The following RNF180 variants were observed in gnomAD, a reference collection of about 807,000 sequenced individuals.
RNF180 encodes ring finger protein 180.
Under a neutral mutation model 59.2 loss-of-function variants are expected in RNF180, and 38 were observed. The ratio of observed to expected loss-of-function variants is 0.64; its 90% CI spans 0.50 to 0.84. The LOEUF is 0.84. RNF180 is among the 40% of genes least tolerant of loss of function. RNF180 has a pLI of 0.00. For synonymous variants in RNF180, 262 were observed against 240.3 expected (o/e 1.09, Z -0.84); for missense variants, 705 against 700.9 (o/e 1.01, Z -0.07).
intron 5 of RNF180, among the ~76,000 whole-genome samples, chr5:64,293,687 G>A (rs902656952): frequency 6.6e-6 from 1 of 151,898 alleles, no homozygotes; most frequent in Non-Finnish European, 1.5e-5. Flanking sequence ...TATTTGGAAA[G>A]TTGGGTAATA....
intron 7 of RNF180, among the ~76,000 whole-genome samples, chr5:64,349,127 A>G (rs1478709363): frequency 6.6e-6 from 1 of 152,120 alleles, no homozygotes; most frequent in Non-Finnish European, 1.5e-5. Context: ...AACACTGCTG[A>G]ACATTTAGCA....
chr5:64,306,193 A>C (rs1743444507), intron 5 of RNF180, among the ~76,000 whole-genome samples: 1 of 151,726 alleles, frequency 6.6e-6, no homozygotes. Context: ...TTGCATAAGA[A>C]TTGTTTTCTG....
intron 2 of RNF180, among the ~76,000 whole-genome samples, chr5:64,207,066 A>T (rs1234146122): frequency 6.6e-6 from 1 of 152,056 alleles, no homozygotes; most frequent in Admixed American, 6.6e-5. Context: ...TTATCATTTA[A>T]TCTTCTATTA....
intron 5 of RNF180, among the ~76,000 whole-genome samples, chr5:64,218,156 T>C (rs1198421341): frequency 6.6e-6 from 1 of 152,210 alleles, no homozygotes; most frequent in Non-Finnish European, 1.5e-5. Flanking sequence ...AACGTTTTAA[T>C]AGATTATGCT....
intron 5 of RNF180, among the ~76,000 whole-genome samples, chr5:64,264,162 A>G (rs1031068954): frequency 8.5e-5 from 13 of 152,092 alleles, no homozygotes; most frequent in East Asian, 3.9e-4. Context: ...CTTCTATCCA[A>G]TATACATGTT....
chr5:64,338,560 G>A (rs1252413044), intron 7 of RNF180, among the ~76,000 whole-genome samples: 4 of 151,706 alleles, frequency 2.6e-5, no homozygotes, highest in African/African-American at 7.3e-5. Context: ...GCGTGAATCC[G>A]GGAGGCAGAG....
At chr5:64,191,466 C>A (rs989088711) in intron 1 of RNF180, among the ~76,000 whole-genome samples, 2 of 152,116 alleles carry the variant, frequency 1.3e-5, no homozygotes, top group African/African-American at 4.8e-5. Context: ...TCTCCTCCCC[C>A]CAGATACTTA....
At chr5:64,352,398 C>T (rs943521726) in intron 7 of RNF180, among the ~76,000 whole-genome samples, 1 of 151,934 alleles carries the variant, frequency 6.6e-6, no homozygotes. Context: ...CTGTCTCTAT[C>T]TCCTTCAATT....
chr5:64,220,638 C>T (rs1050127352), intron 5 of RNF180, among the ~76,000 whole-genome samples: 2 of 151,914 alleles, frequency 1.3e-5, no homozygotes, highest in Non-Finnish European at 2.9e-5. Context: ...ATAGTATTTC[C>T]TAATATTTCT....
chr5:64,250,507 C>T (rs1004430253), intron 5 of RNF180, among the ~76,000 whole-genome samples: 1 of 151,708 alleles, frequency 6.6e-6, no homozygotes, highest in African/African-American at 2.4e-5. Flanking sequence ...AGAAAATCAA[C>T]AAACCATTAG....
intron 5 of RNF180, among the ~76,000 whole-genome samples, chr5:64,284,839 T>C (rs1481688107): frequency 6.6e-6 from 1 of 152,250 alleles, no homozygotes; most frequent in Non-Finnish European, 1.5e-5. Context: ...CAATTCAGCC[T>C]GCTTAAGAAT....
intron 7 of RNF180, among the ~76,000 whole-genome samples, chr5:64,355,271 T>C (rs1745972350): frequency 6.6e-6 from 1 of 151,896 alleles, no homozygotes; most frequent in Admixed American, 6.6e-5. Flanking sequence ...TTCTGTACAC[T>C]AGGAATGAAC....
In RNF180 at chr5:64,369,797, T is replaced by G. The variant is rs370286335; in HGVS notation, c.1762T>G (p.Phe588Val). 12 of 1,514,940 alleles carry G rather than the reference T, an allele frequency of 7.9e-6. No homozygotes were observed. Among genetic ancestry groups the G allele is most frequent in the Non-Finnish European group, 1.1e-5 (12 of 1,132,052 alleles). The allele number at this position is 1,514,940 out of a possible 1,614,324, so 93.8% of individuals were successfully genotyped here. Residue 588 changes from phenylalanine to valine, a missense_variant, in exon 8 of 8, where the codon TTT (phenylalanine) becomes GTT (valine). Phe to Val is a conservative substitution (Grantham distance 50). Transcript: ENST00000389100. ...CATTGTTTTCTGCTTTCTTTGCTATTTTTTCTTTCCGTTTTAGGAATTTCA... is the reference window on the plus strand; with the variant it reads ...CATTGTTTTCTGCTTTCTTTGCTATGTTTTCTTTCCGTTTTAGGAATTTCA... ...GFIVFCFLCY[F>V]FFPF
At chr5:64,205,352 C>T (rs1374671130) in intron 2 of RNF180, among the ~76,000 whole-genome samples, 1 of 152,030 alleles carries the variant, frequency 6.6e-6, no homozygotes, top group African/African-American at 2.4e-5. Context: ...CTACAACGTC[C>T]ACAAGGAGAA....
rs999954437 is a variant in RNF180, at chr5:64,369,747, A to T, written c.1712A>T (p.Tyr571Phe). 14 of 1,540,308 alleles carry T rather than the reference A, an allele frequency of 9.1e-6. No individual in the cohort carries two copies. Among genetic ancestry groups the T allele is most frequent in the Non-Finnish European group, 1.2e-5 (14 of 1,142,920 alleles). The change falls in exon 8 of 8, where the codon TAT becomes TTT. Residue 571 changes from tyrosine to phenylalanine, a missense_variant. Transcript: ENST00000389100. ...ATGGATATGGTGATCATATATATTT[A>T]TTCAGTGAACTGGGTCATTGGATTC... is the stretch of plus-strand genomic sequence containing the variant. ...FDMDMVIIYI[Y>F]SVNWVIGFIV... is the part of the protein sequence containing the mutation.
At chr5:64,272,949 T>C (rs1281100533) in intron 5 of RNF180, among the ~76,000 whole-genome samples, 1 of 151,908 alleles carries the variant, frequency 6.6e-6, no homozygotes, top group African/African-American at 2.4e-5. Context: ...TGTCTAGTTT[T>C]GGAGGTCAAA....
At chr5:64,283,986 C>T (rs1354328544) in intron 5 of RNF180, among the ~76,000 whole-genome samples, 1 of 152,082 alleles carries the variant, frequency 6.6e-6, no homozygotes, top group African/African-American at 2.4e-5. Context: ...TTTGTGGTGG[C>T]CGGTAGTTAT....
chr5:64,247,689 G>A (rs1228537936), intron 5 of RNF180, among the ~76,000 whole-genome samples: 1 of 152,160 alleles, frequency 6.6e-6, no homozygotes, highest in Admixed American at 6.5e-5. Flanking sequence ...AGTGCACAAA[G>A]TAATTTATAG....
At chr5:64,205,549 T>C (rs777500180) in intron 2 of RNF180, among the ~76,000 whole-genome samples, 1 of 152,186 alleles carries the variant, frequency 6.6e-6, no homozygotes, top group South Asian at 2.1e-4. Flanking sequence ...GTTTTGGACA[T>C]GTGAAGTTTA....
Sources: allele counts gnomAD v4.1 joint callset (sites outside exome capture counted in the v4.1 genomes callset), GRCh38; gene constraint gnomAD v4.1.1; transcripts MANE v1.5; gene names NCBI Gene and HGNC (gene_info 2026-07-23, HGNC 2026-07-21).